KIF21B: variants seen among roughly 807,000 people sequenced by gnomAD.
KIF21B encodes the protein kinesin family member 21B, also known as kinesin-like protein KIF21B.
A neutral mutation model predicts 192.9 loss-of-function variants in KIF21B; 85 were observed. That is an observed-to-expected ratio of 0.44 (90% CI 0.37 to 0.53). The LOEUF is 0.53. Ranked by LOEUF, KIF21B falls within the 20% of genes least tolerant of loss-of-function variation. The pLI, the probability that KIF21B is intolerant of heterozygous loss-of-function variation, is 0.00. For missense variants in KIF21B, 1,716 were observed against 2,194.8 expected, an observed-to-expected ratio of 0.78 and a Z score of 4.36; for synonymous variants, 832 against 884.6, an observed-to-expected ratio of 0.94 and a Z score of 1.05.
Position 200,988,791 on chromosome 1 carries a change from C to T in KIF21B, c.3273G>A (p.Gln1091=), listed in dbSNP as rs1306348134. The part of the protein sequence containing the change: ...REKAEAHPEL[Q]ALIYNVQQEN... Reference sequence around the variant, plus strand: ...CCTGCTGCACATTGTAGATGAGGGCCTGCAGCTCGGGGTGAGCTTCAGCCT... The same window carrying T: ...CCTGCTGCACATTGTAGATGAGGGCTTGCAGCTCGGGGTGAGCTTCAGCCT... Residue 1091 remains glutamine (Q), a synonymous_variant, in exon 22 of 35, where the codon CAG becomes CAA. Transcript: ENST00000461742. 4.3e-6 allele frequency: 7 copies of T among 1,613,658 alleles called. No individual in the cohort carries two copies. Among genetic ancestry groups the T allele is most frequent in the African/African-American group, 1.3e-5 (1 of 74,918 alleles).
chr1:200,991,859 AGTGGGACCCAGGGTT>A, intron 16 of KIF21B, 134 bp from the exon 17 acceptor site: 1 of 908,878 alleles, frequency 1.1e-6, no homozygotes, highest in East Asian at 2.7e-5. Context: ...CTCTTGATAA[AGTGGGACCCAGGGTT>A]GAGCTCCCCT....
At chr1:201,012,315 T>C (rs775160992) in intron 1 of KIF21B, among the ~76,000 whole-genome samples, 1 of 152,122 alleles carries the variant, frequency 6.6e-6, no homozygotes, top group Non-Finnish European at 1.5e-5. Flanking sequence ...GAGTCACCAA[T>C]TCCCCAAGCA....
At chr1:200,996,759 T>C (rs111776305) in intron 14 of KIF21B, among the ~76,000 whole-genome samples, 2 of 152,298 alleles carry the variant, frequency 1.3e-5, no homozygotes, top group African/African-American at 4.8e-5. Flanking sequence ...GGGAAGAGTT[T>C]GCAAGAGAAG....
chr1:201,002,296 CT>C lies in KIF21B; in HGVS notation c.1266del (p.Glu423ArgfsTer16). The C allele has an allele frequency of 6.2e-7, 1 of 1,614,244 alleles. No homozygotes were observed. Among genetic ancestry groups the C allele is most frequent in the Non-Finnish European group, 8.5e-7 (1 of 1,180,044 alleles). ...DGAEGYSDLF[R>X]ENAMLQKENG... is the part of the protein sequence containing the mutation. ...TTCTCCTTCTGTAGCATGGCATTCTCTCGGAACAGATCACTATAGCCCTCAG... is the reference window on the plus strand; with the variant it reads ...TTCTCCTTCTGTAGCATGGCATTCTCCGGAACAGATCACTATAGCCCTCAG... On this transcript the variant is annotated frameshift_variant, in exon 9 of 35. Transcript: ENST00000461742. LOFTEE classifies it high-confidence loss of function.
chr1:200,985,144 C>A (rs1245539590), intron 26 of KIF21B, among the ~76,000 whole-genome samples, 172 bp from the exon 27 acceptor site: 1 of 152,166 alleles, frequency 6.6e-6, no homozygotes, highest in East Asian at 1.9e-4. Flanking sequence ...CTTTAAACAT[C>A]AATCCTCATC....
chr1:201,003,768 T>A lies in KIF21B; in HGVS notation c.1030A>T (p.Ile344Phe). ...SLGGNSQTIMIACVSPSDRDF... is the reference protein window; with the variant it reads ...SLGGNSQTIMFACVSPSDRDF... ...CGGTCTGAGGGGCTCACACAGGCGATCATGATGGTCTGGCTGGGGGTGCAG... is the reference window on the plus strand; with the variant it reads ...CGGTCTGAGGGGCTCACACAGGCGAACATGATGGTCTGGCTGGGGGTGCAG... The change falls in exon 8 of 35, where the codon ATC becomes TTC. Residue 344 changes from isoleucine to phenylalanine, a missense_variant. Physicochemically the swap from Ile to Phe is conservative, Grantham distance 21. This residue lies in a region of KIF21B where 1,087 missense variants were observed against 1,316.6 expected (regional missense o/e 0.83). Transcript: ENST00000461742. The A allele has an allele frequency of 6.2e-7, 1 of 1,614,120 alleles. No homozygotes were observed. The highest frequency in any genetic ancestry group is 8.5e-7 in the Non-Finnish European group (1 of 1,180,024).
At position 200,972,344 on chromosome 1, in the gene KIF21B, G is replaced by A. The variant is rs1030412950; in HGVS notation, c.*1177C>T. ...CTCCCCGGCCCAGTGGGGGACTGCA[G>A]GGCTGGGGAGGGGCGGGGGTCAGGG... On this transcript the variant is annotated 3_prime_UTR_variant, in exon 35 of 35. Coordinates refer to ENST00000461742, the MANE Select transcript of KIF21B (RefSeq NM_001252102.2). 3.3e-5 allele frequency: 5 copies of A among 152,322 alleles called. No homozygotes were observed. Among genetic ancestry groups the A allele is most frequent in the African/African-American group, 1.2e-4 (5 of 41,428 alleles). 9.4% of individuals were successfully genotyped at this position (152,322 alleles called of 1,614,324 possible). A position where few individuals can be genotyped will look rare whatever the true frequency, so the allele number is the denominator to read the frequency against.
chr1:200,988,717 G>C, intron 22 of KIF21B, 49 bp downstream of exon 22: 2 of 1,572,664 alleles, frequency 1.3e-6, no homozygotes, highest in Non-Finnish European at 1.7e-6. Flanking sequence ...GAGCCCAAGA[G>C]CACTGGAATG....
chr1:200,984,770 C>T, intron 27 of KIF21B, 89 bp downstream of exon 27: 2 of 996,840 alleles, frequency 2.0e-6, no homozygotes, highest in Non-Finnish European at 2.9e-6. Flanking sequence ...TTGGCTTGGC[C>T]ACCTGAGCCC....
chr1:200,974,260 A>G (rs1650738419), intron 34 of KIF21B: 3 of 1,487,032 alleles, frequency 2.0e-6, no homozygotes, highest in Non-Finnish European at 2.7e-6. Flanking sequence ...GAGGGGAGAG[A>G]AGGGACAAAG....
At chr1:200,994,956 C>T (rs538847147) in intron 15 of KIF21B, among the ~76,000 whole-genome samples, 14 of 152,344 alleles carry the variant, frequency 9.2e-5, no homozygotes, top group South Asian at 6.2e-4. Flanking sequence ...GGAGATGGTG[C>T]AAACAGGGCT....
Position 201,009,484 on chromosome 1 carries a change from G to A in KIF21B, c.46C>T (p.Arg16Trp). The change falls in exon 2 of 35, where the codon CGG (arginine) becomes TGG (tryptophan). Residue 16 changes from arginine (R) to tryptophan (W), a missense_variant. This residue lies in a region of KIF21B where 1,087 missense variants were observed against 1,316.6 expected (regional missense o/e 0.83). Transcript: ENST00000461742. ...ATCTTCTCCTTCGACAGCTGGGGCCGGATCCTGCCCATGATGGAGAGAGCC... is the reference window on the plus strand; with the variant it reads ...ATCTTCTCCTTCGACAGCTGGGGCCAGATCCTGCCCATGATGGAGAGAGCC... ...DCCVKVAVRIRPQLSKEKIEG... is the reference protein window; with the variant it reads ...DCCVKVAVRIWPQLSKEKIEG... 9 of 1,613,728 alleles carry A rather than the reference G, an allele frequency of 5.6e-6. No individual in the cohort carries two copies. Among genetic ancestry groups the A allele is most frequent in the Non-Finnish European group, 7.6e-6 (9 of 1,179,854 alleles).
At chr1:200,992,161 C>T (rs1656741267) in intron 16 of KIF21B, 121 bp downstream of exon 16, 1 of 781,050 alleles carries the variant, frequency 1.3e-6, no homozygotes, top group East Asian at 2.7e-5. Context: ...CAAGCATGAC[C>T]ATTACCACTT....
chr1:200,999,075 T>C lies in KIF21B; in HGVS notation c.1885+274A>G, dbSNP rs1657283432. Among the ~76,000 whole-genome samples the C allele has an allele frequency of 6.6e-6, 1 of 152,110 alleles. No homozygotes were observed. The highest frequency in any genetic ancestry group is 1.5e-5 in the Non-Finnish European group (1 of 68,010). On this transcript the variant is annotated intron_variant, in intron 13 of 34. Transcript: ENST00000461742. This position sits in a 1 kb window ranked among gnomAD's most constrained non-coding sequence, Gnocchi z 4.7. The stretch of plus-strand genomic sequence containing the variant: ...GTGAGCTTGTTCCTCTGTGGTGATA[T>C]AGGGAAGCTCACCACCCCTATGCAT...
Position 201,000,286 on chromosome 1 carries a change from G to T in KIF21B, c.1685+104C>A. On this transcript the variant is annotated intron_variant, in intron 11 of 34. Transcript: ENST00000461742. This position sits in a 1 kb window ranked among gnomAD's most constrained non-coding sequence, Gnocchi z 6.0. ...CAGCCCCTGGGGCTGGGGGCGTGGA[G>T]GTTCCCTCCTAAACACTGGTGGGCA... 1 of 1,197,760 alleles carries T rather than the reference G, an allele frequency of 8.3e-7. No homozygotes were observed. Among genetic ancestry groups the T allele is most frequent in the Non-Finnish European group, 1.2e-6 (1 of 858,378 alleles). 74.2% of individuals were successfully genotyped at this position (1,197,760 alleles called of 1,614,324 possible). A position where few individuals can be genotyped will look rare whatever the true frequency, so the allele number is the denominator to read the frequency against.
At chr1:201,014,096 G>A (rs1305943227) in intron 1 of KIF21B, among the ~76,000 whole-genome samples, 2 of 152,248 alleles carry the variant, frequency 1.3e-5, no homozygotes, top group Non-Finnish European at 2.9e-5. Context: ...GCGCGAGAGC[G>A]AGGAGAAAGG....
At chr1:200,987,632 T>C (rs1656395677) in intron 24 of KIF21B, among the ~76,000 whole-genome samples, 1 of 152,230 alleles carries the variant, frequency 6.6e-6, no homozygotes, top group Non-Finnish European at 1.5e-5. Flanking sequence ...TCACCTGTGC[T>C]CCACAGCTAA....
chr1:201,013,799 T>C (rs1356212686), intron 1 of KIF21B, among the ~76,000 whole-genome samples: 1 of 152,212 alleles, frequency 6.6e-6, no homozygotes, highest in Non-Finnish European at 1.5e-5. Flanking sequence ...CTTAGTGCAA[T>C]ATTTTAAAAG....
At position 200,970,528 on chromosome 1, in the gene KIF21B, G is replaced by A. The variant is rs1655162924; in HGVS notation, c.*2993C>T. The A allele has an allele frequency of 1.3e-5, 2 of 152,430 alleles. No homozygotes were observed. Among genetic ancestry groups the A allele is most frequent in the African/African-American group, 4.8e-5 (2 of 41,470 alleles). 9.4% of individuals were successfully genotyped at this position (152,430 alleles called of 1,614,324 possible). On this transcript the variant is annotated 3_prime_UTR_variant, in exon 35 of 35. Coordinates refer to ENST00000461742, the MANE Select transcript of KIF21B (RefSeq NM_001252102.2). ...TCCATGCGCTGCCTTTGAGAGTTCT[G>A]GCTGCTTCAGAAGAGTCCGCCACTC...
Sources: gnomAD v4.1 joint callset for allele counts (sites outside exome capture counted in the v4.1 genomes callset) on GRCh38, gnomAD v4.1.1 for gene constraint, gnomAD v4.1.1 regional missense constraint, Gnocchi (gnomAD v3.1) non-coding constraint, MANE v1.5 for transcripts, NCBI Gene and HGNC (gene_info 2026-07-23, HGNC 2026-07-21) for gene names.